Variants in CYB5R3 observed in about 807,000 individuals in gnomAD.
The protein encoded by CYB5R3 is NADH-cytochrome b5 reductase 3.
CYB5R3 carries 28 observed loss-of-function variants against 36.5 expected under a neutral mutation model. That is an observed-to-expected ratio of 0.77 (90% CI 0.57 to 1.05). The LOEUF is 1.05. Ranked by LOEUF, CYB5R3 falls within the 50% of genes least tolerant of loss-of-function variation. The probability of loss-of-function intolerance (pLI) is 0.00; values close to 1 mark genes in which losing one functional copy is unlikely to be tolerated. For missense variants in CYB5R3, 474 were observed against 408.9 expected, an observed-to-expected ratio of 1.16 and a Z score of -1.37; for synonymous variants, 181 against 159.8, an observed-to-expected ratio of 1.13 and a Z score of -1.00.
At chr22:42,622,195 C>T (rs1421988709) in intron 8 of CYB5R3, among the ~76,000 whole-genome samples, 1 of 152,178 alleles carries the variant, frequency 6.6e-6, no homozygotes, top group Non-Finnish European at 1.5e-5. Flanking sequence ...GCTGGGATTA[C>T]AGACGTGAGC....
chr22:42,639,629 CA>C (rs112945823), intron 1 of CYB5R3, among the ~76,000 whole-genome samples: 4 of 148,224 alleles, frequency 2.7e-5, no homozygotes, highest in Non-Finnish European at 3.0e-5. Context: ...GACTCCATCT[CA>C]AAAAAAAAAA....
At chr22:42,640,912 A>G (rs1929234176) in intron 1 of CYB5R3, among the ~76,000 whole-genome samples, 1 of 152,022 alleles carries the variant, frequency 6.6e-6, no homozygotes, top group African/African-American at 2.4e-5. Flanking sequence ...GCTGGAGTGC[A>G]GTGGCACGGT....
Position 42,628,145 on chromosome 22 carries a change from G to C in CYB5R3, c.463+7C>G. The C allele has an allele frequency of 1.2e-6, 2 of 1,613,882 alleles. No homozygotes were observed. The highest frequency in any genetic ancestry group is 1.1e-5 in the South Asian group (1 of 91,030). On this transcript the variant is annotated splice_region_variant and intron_variant, in intron 5 of 8. Coordinates refer to ENST00000352397, the MANE Select transcript of CYB5R3 (RefSeq NM_000398.7). ...CCGTGTAACCAAGGGATTCCGACCC[G>C]AATCACCTTTGCCCTGGTAGACCAG...
intron 1 of CYB5R3, among the ~76,000 whole-genome samples, chr22:42,649,035 G>T (rs1461180646): frequency 6.6e-6 from 1 of 152,208 alleles, no homozygotes; most frequent in South Asian, 2.1e-4. Flanking sequence ...GGTGCCCCCG[G>T]GTGCTGGGCT....
chr22:42,636,953 A>G (rs1184364144), intron 1 of CYB5R3, 107 bp from the exon 2 acceptor site: 2 of 1,465,268 alleles, frequency 1.4e-6, no homozygotes, highest in African/African-American at 1.4e-5. Context: ...CTCTGCCAGG[A>G]GCACCCTCTC....
At chr22:42,646,362 G>A (rs1175957303) in intron 1 of CYB5R3, among the ~76,000 whole-genome samples, 3 of 152,120 alleles carry the variant, frequency 2.0e-5, no homozygotes, top group African/African-American at 4.8e-5. Flanking sequence ...TAATAACACA[G>A]AGGGGAAGAG....
intron 7 of CYB5R3, among the ~76,000 whole-genome samples, chr22:42,627,096 C>T (rs532694856): frequency 1.4e-3 from 218 of 152,294 alleles, no homozygotes; most frequent in African/African-American, 4.9e-3. Context: ...AAGGCAGCCC[C>T]CTCAGCCAGA....
intron 8 of CYB5R3, among the ~76,000 whole-genome samples, chr22:42,622,741 AC>A (rs1203507870): frequency 6.6e-6 from 1 of 152,082 alleles, no homozygotes; most frequent in African/African-American, 2.4e-5. Flanking sequence ...GAGGGCATGC[AC>A]CCCCTGACAT....
intron 7 of CYB5R3, 120 bp downstream of exon 7, chr22:42,627,184 A>G: frequency 2.3e-6 from 2 of 869,450 alleles, no homozygotes; most frequent in South Asian, 2.8e-5. Flanking sequence ...AGGGCCCCCC[A>G]TCCCGGTCAT....
rs949446286 is a variant in CYB5R3 at position 42,635,278 on chromosome 22, G to A, written c.153+1437C>T. Among the ~76,000 whole-genome samples the A allele has an allele frequency of 5.3e-5, 8 of 151,056 alleles. No homozygotes were observed. The Middle Eastern group carries it at 0.01, about 197-fold the overall frequency. ...CCCAGCCACGCCCGGCCAATTTTTT[G>A]TATTTTTAGTAGAGACAGAGTTTCA... On this transcript the variant is annotated intron_variant, in intron 2 of 8. Transcript: ENST00000352397.
chr22:42,636,369 G>A (rs78317721), intron 2 of CYB5R3, among the ~76,000 whole-genome samples: 1,943 of 152,282 alleles, frequency 0.013, 43 homozygotes, highest in African/African-American at 0.044. Flanking sequence ...GACTCTGGGG[G>A]AGGGGGAGGA....
At chr22:42,625,870 C>T (rs1382365617) in intron 7 of CYB5R3, among the ~76,000 whole-genome samples, 2 of 152,158 alleles carry the variant, frequency 1.3e-5, no homozygotes, top group African/African-American at 2.4e-5. Context: ...GTAGATGGGG[C>T]CACTTTCCAG....
chr22:42,640,416 T>C (rs1443509502), intron 1 of CYB5R3: 1 of 572,706 alleles, frequency 1.7e-6, no homozygotes, highest in Non-Finnish European at 2.4e-6. Context: ...TCTCACTCTA[T>C]CACCCAGGCT....
intron 1 of CYB5R3, among the ~76,000 whole-genome samples, chr22:42,648,465 G>T (rs918102081): frequency 6.6e-6 from 1 of 152,208 alleles, no homozygotes; most frequent in Non-Finnish European, 1.5e-5. Flanking sequence ...GAGGTGGCCT[G>T]GGGGGAAGGG....
chr22:42,628,359 T>G, intron 4 of CYB5R3, 78 bp from the exon 5 acceptor site: 1 of 1,572,692 alleles, frequency 6.4e-7, no homozygotes, highest in Non-Finnish European at 8.7e-7. Flanking sequence ...GGGAGACAAG[T>G]GCCTCTTCTG....
chr22:42,625,009 C>G (rs1928191584), intron 7 of CYB5R3, among the ~76,000 whole-genome samples: 1 of 152,102 alleles, frequency 6.6e-6, no homozygotes, highest in Non-Finnish European at 1.5e-5. Context: ...ACAGTTTTTC[C>G]AGTTTCTGAG....
chr22:42,645,120 T>C (rs1311061492), intron 1 of CYB5R3, among the ~76,000 whole-genome samples: 1 of 152,124 alleles, frequency 6.6e-6, no homozygotes, highest in Non-Finnish European at 1.5e-5. Context: ...CGCGTATTAG[T>C]GGCTCCGATG....
chr22:42,625,425 T>A (rs895492828), intron 7 of CYB5R3, among the ~76,000 whole-genome samples: 25 of 152,122 alleles, frequency 1.6e-4, no homozygotes, highest in Admixed American at 1.5e-3. Flanking sequence ...GGACAATCGC[T>A]TGAACCCGGG....
chr22:42,646,251 C>G (rs773792033), intron 1 of CYB5R3, among the ~76,000 whole-genome samples: 34 of 152,152 alleles, frequency 2.2e-4, no homozygotes, highest in Non-Finnish European at 4.4e-4. Flanking sequence ...ACCCCAGCCA[C>G]CTGGGGGCCC....
Sources: gnomAD v4.1 joint callset for allele counts (sites outside exome capture counted in the v4.1 genomes callset) on GRCh38, gnomAD v4.1.1 for gene constraint, MANE v1.5 for transcripts, NCBI Gene and HGNC (gene_info 2026-07-23, HGNC 2026-07-21) for gene names.